Variants in BCKDHB observed in about 807,000 individuals in gnomAD.
The protein encoded by BCKDHB is branched chain keto acid dehydrogenase E1 subunit beta.
BCKDHB carries 41 observed loss-of-function variants against 48.5 expected under a neutral mutation model. That is an observed-to-expected ratio of 0.85 (90% CI 0.66 to 1.10). The LOEUF (loss-of-function observed/expected upper bound fraction) is 1.10, where lower values mean the gene tolerates loss of function less well. BCKDHB is among the 50% of genes least tolerant of loss of function. BCKDHB has a pLI of 0.00. For synonymous variants in BCKDHB, 201 were observed against 174.8 expected (o/e 1.15, Z -1.18); for missense variants, 496 against 494.2 (o/e 1.00, Z -0.03).
chr6:80,357,700 G>T, the BCKDHB span, among the ~76,000 whole-genome samples: 31 of 152,302 alleles, frequency 2.0e-4, no homozygotes, highest in African/African-American at 7.5e-4. Context: ...GAGTTTGGAT[G>T]GCTGTGTACT....
chr6:80,402,080 G>A, the BCKDHB span, among the ~76,000 whole-genome samples: 1 of 151,840 alleles, frequency 6.6e-6, no homozygotes, highest in East Asian at 1.9e-4. Context: ...AAGCATGGGG[G>A]AGCAGATTTC....
chr6:80,203,286 T>C lies in BCKDHB; in HGVS notation c.951+74T>C. On this transcript the variant is annotated intron_variant, in intron 8 of 9. Coordinates refer to ENST00000320393, the MANE Select transcript of BCKDHB (RefSeq NM_183050.4). ...AAATATGTTGTATATTTGCAAATAA[T>C]TCTTTTGAAATTGTGAGCTATGTGA... The C allele has an allele frequency of 4.5e-6, 5 of 1,099,314 alleles. No individual in the cohort carries two copies. In the East Asian group the frequency reaches 9.5e-5, roughly 21 times the overall value. 68.1% of individuals were successfully genotyped at this position (1,099,314 alleles called of 1,614,324 possible).
At chr6:80,365,151 T>C in the BCKDHB span, among the ~76,000 whole-genome samples, 2 of 152,154 alleles carry the variant, frequency 1.3e-5, no homozygotes, top group Admixed American at 6.5e-5. Flanking sequence ...AAAGCAGAAC[T>C]ACTGATAAGG....
In BCKDHB at chr6:80,230,266, C is replaced by T. The variant is rs1032272770; in HGVS notation, c.951+27054C>T. 4.0e-5 allele frequency among the ~76,000 whole-genome samples: 6 copies of T among 151,562 alleles called. No individual in the cohort carries two copies. The South Asian group carries it at 1.2e-3, about 32-fold the overall frequency. Reference sequence around the variant, plus strand: ...TGTTAGCCAGGATGGTCTCGATCTCCTGACCTCGTGATCCGCCCGCCTCGG... The same window carrying T: ...TGTTAGCCAGGATGGTCTCGATCTCTTGACCTCGTGATCCGCCCGCCTCGG... On this transcript the variant is annotated intron_variant, in intron 8 of 9. Coordinates refer to ENST00000320393, the MANE Select transcript of BCKDHB (RefSeq NM_183050.4).
chr6:80,359,925 T>G, the BCKDHB span, among the ~76,000 whole-genome samples: 4 of 152,330 alleles, frequency 2.6e-5, no homozygotes, highest in Admixed American at 6.5e-5. Context: ...GTATATTTCT[T>G]CTGACATCTT....
chr6:80,167,622 A>G (rs1054076746), intron 3 of BCKDHB, 56 bp from the exon 4 acceptor site: 2 of 1,491,364 alleles, frequency 1.3e-6, no homozygotes, highest in African/African-American at 2.8e-5. Flanking sequence ...TAAATGTATT[A>G]TGCATGACAT....
At position 80,309,765 on chromosome 6, in the gene BCKDHB, T is replaced by C. The variant is rs902115456; in HGVS notation, c.1039-33899T>C. On this transcript the variant is annotated intron_variant, in intron 9 of 9. Transcript: ENST00000320393. ...ATGTGTAGGTTTGTTATATAGGTTG[T>C]GTGTCACGGGGATTTGGTGTACAGA... Among the ~76,000 whole-genome samples, 2 of 152,312 alleles carry C rather than the reference T, an allele frequency of 1.3e-5. 1 individual carries two copies. Among genetic ancestry groups the C allele is most frequent in the Middle Eastern group, 6.8e-3 (2 of 294 alleles).
the BCKDHB span, among the ~76,000 whole-genome samples, chr6:80,435,405 C>T: frequency 2.0e-4 from 30 of 152,178 alleles, no homozygotes; most frequent in Non-Finnish European, 3.8e-4. Context: ...TATATATGTA[C>T]TAATTAAATC....
intron 9 of BCKDHB, among the ~76,000 whole-genome samples, chr6:80,321,224 A>G (rs806850): frequency 0.96 from 146,583 of 152,286 alleles, 70,565 homozygotes; most frequent in East Asian, 0.99. Flanking sequence ...TGCCTTGGGT[A>G]CAGAATATCA....
chr6:80,446,588 A>G, the BCKDHB span, among the ~76,000 whole-genome samples: 2 of 152,270 alleles, frequency 1.3e-5, no homozygotes, highest in Admixed American at 6.5e-5. Context: ...CTACTCCAGT[A>G]ATAAGCAGGT....
At chr6:80,425,617 C>T in the BCKDHB span, among the ~76,000 whole-genome samples, 1 of 152,120 alleles carries the variant, frequency 6.6e-6, no homozygotes, top group African/African-American at 2.4e-5. Flanking sequence ...CAGTTTTGAA[C>T]ACTTAGTCAC....
chr6:80,113,331 C>A (rs1457601452), intron 1 of BCKDHB, among the ~76,000 whole-genome samples: 2 of 152,078 alleles, frequency 1.3e-5, no homozygotes, highest in African/African-American at 2.4e-5. Flanking sequence ...GCCAGTTGCC[C>A]ACAATTATCA....
At chr6:80,233,678 G>A (rs1350282067) in intron 8 of BCKDHB, among the ~76,000 whole-genome samples, 1 of 152,152 alleles carries the variant, frequency 6.6e-6, no homozygotes, top group Admixed American at 6.5e-5. Context: ...TACTTTGCGT[G>A]TCAAATGTTC....
intron 8 of BCKDHB, among the ~76,000 whole-genome samples, chr6:80,229,252 A>T (rs1427254135): frequency 6.6e-6 from 1 of 152,230 alleles, no homozygotes; most frequent in Non-Finnish European, 1.5e-5. Flanking sequence ...AAATTTTATG[A>T]AGAAAAATGA....
At chr6:80,188,814 G>T (rs949701095) in intron 6 of BCKDHB, among the ~76,000 whole-genome samples, 3 of 152,036 alleles carry the variant, frequency 2.0e-5, no homozygotes, top group East Asian at 3.8e-4. Context: ...ATAAAAAAAG[G>T]TTTTCTGAAA....
chr6:80,181,944 TC>T (rs1465292511), intron 6 of BCKDHB, among the ~76,000 whole-genome samples: 3 of 152,220 alleles, frequency 2.0e-5, no homozygotes, highest in African/African-American at 7.2e-5. Context: ...CATAAGTCCA[TC>T]CTCTAACTAC....
Position 80,187,363 on chromosome 6 carries a change from T to G in BCKDHB, c.743-13571T>G, listed in dbSNP as rs191706212. Among the ~76,000 whole-genome samples, 265 of 152,308 alleles carry G rather than the reference T, an allele frequency of 1.7e-3. 1 individual carries two copies. Among genetic ancestry groups the G allele is most frequent in the African/African-American group, 6.0e-3 (251 of 41,574 alleles). On this transcript the variant is annotated intron_variant, in intron 6 of 9. Coordinates refer to ENST00000320393, the MANE Select transcript of BCKDHB (RefSeq NM_183050.4). ...AAATCTCCTATGATTTATTTTAATA[T>G]TAACACTTAAACCTAAGCTTTTATT...
chr6:80,299,968 T>G (rs140614439), intron 9 of BCKDHB, among the ~76,000 whole-genome samples: 11 of 151,754 alleles, frequency 7.2e-5, no homozygotes, highest in Non-Finnish European at 1.6e-4. Context: ...ATATCACATG[T>G]AATGACATAG....
the BCKDHB span, among the ~76,000 whole-genome samples, chr6:80,449,428 C>G: frequency 2.0e-5 from 3 of 151,924 alleles, no homozygotes; most frequent in African/African-American, 4.8e-5. Context: ...GCTGTTGGAG[C>G]TTATATTCCA....
Sources: gnomAD v4.1 joint callset for allele counts (sites outside exome capture counted in the v4.1 genomes callset) on GRCh38, gnomAD v4.1.1 for gene constraint, MANE v1.5 for transcripts, NCBI Gene and HGNC (gene_info 2026-07-23, HGNC 2026-07-21) for gene names.